The following TBC1D9 variants were observed in gnomAD, a reference collection of about 807,000 sequenced individuals.
TBC1D9 encodes TBC1 domain family member 9.
A neutral mutation model predicts 132.0 loss-of-function variants in TBC1D9; 63 were observed. The ratio of observed to expected loss-of-function variants is 0.48; its 90% CI spans 0.39 to 0.59. The LOEUF (loss-of-function observed/expected upper bound fraction) is 0.59. Ranked by LOEUF, TBC1D9 falls within the 20% of genes least tolerant of loss-of-function variation. The probability of loss-of-function intolerance (pLI) is 0.00; values close to 1 mark genes in which losing one functional copy is unlikely to be tolerated. For missense variants in TBC1D9, 1,261 were observed against 1,592.7 expected, an observed-to-expected ratio of 0.79 and a Z score of 3.54; for synonymous variants, 610 against 609.9, an observed-to-expected ratio of 1.00 and a Z score of 0.00.
chr4:140,709,248 TCACACACACA>T (rs36222926), intron 1 of TBC1D9, among the ~76,000 whole-genome samples: 35 of 104,190 alleles, frequency 3.4e-4, no homozygotes, highest in South Asian at 1.7e-3. Context: ...TCTCTCTCTC[TCACACACACA>T]CACACACACA....
intron 1 of TBC1D9, among the ~76,000 whole-genome samples, chr4:140,702,223 G>C (rs899951934): frequency 1.3e-5 from 2 of 152,184 alleles, no homozygotes; most frequent in African/African-American, 4.8e-5. Context: ...AGTTCTTTCA[G>C]TCAAGAACCC....
In TBC1D9 at chr4:140,641,541, G is replaced by A. The variant is rs1426805276; in HGVS notation, c.2338-2113C>T. Among the ~76,000 whole-genome samples the A allele has an allele frequency of 2.6e-5, 4 of 151,754 alleles. No homozygotes were observed. The East Asian group carries it at 7.8e-4, about 30-fold the overall frequency. On this transcript the variant is annotated intron_variant, in intron 13 of 20. Coordinates refer to ENST00000442267, the MANE Select transcript of TBC1D9 (RefSeq NM_015130.3). ...ATTCCATTTATAAAATGTTTCTCGGGAAGCCCCCACTGGGCCCGTGCCCAA... is the reference window on the plus strand; with the variant it reads ...ATTCCATTTATAAAATGTTTCTCGGAAAGCCCCCACTGGGCCCGTGCCCAA...
rs149110732 is a variant in TBC1D9, at chr4:140,704,356, A to G, written c.131-2742T>C. On this transcript the variant is annotated intron_variant, in intron 1 of 20. Coordinates refer to ENST00000442267, the MANE Select transcript of TBC1D9 (RefSeq NM_015130.3). The stretch of plus-strand genomic sequence containing the variant: ...GCGCAGGTTGCAGTGAGCTGAGATC[A>G]TGCCACTACACCCCAGCCTGGGCAA... Among the ~76,000 whole-genome samples, 1,018 of 151,238 alleles carry G rather than the reference A, an allele frequency of 6.7e-3. 16 individuals are homozygous for G. The highest frequency in any genetic ancestry group is 0.024 in the African/African-American group (972 of 41,106).
intron 6 of TBC1D9, among the ~76,000 whole-genome samples, chr4:140,673,717 C>T (rs1209240292): frequency 6.6e-6 from 1 of 152,182 alleles, no homozygotes; most frequent in Non-Finnish European, 1.5e-5. Flanking sequence ...CCTCTGCAGA[C>T]TGCCTCTCTT....
At chr4:140,667,189 G>C (rs568939140) in intron 9 of TBC1D9, among the ~76,000 whole-genome samples, 54 of 152,328 alleles carry the variant, frequency 3.5e-4, no homozygotes, top group Non-Finnish European at 6.3e-4. Context: ...CCCATTCCTG[G>C]ATGTGGAAAT....
chr4:140,711,002 T>C (rs1738234582), intron 1 of TBC1D9, among the ~76,000 whole-genome samples: 1 of 152,158 alleles, frequency 6.6e-6, no homozygotes, highest in Non-Finnish European at 1.5e-5. Context: ...GCTCATTCTT[T>C]CCCCACGAAC....
intron 3 of TBC1D9, among the ~76,000 whole-genome samples, chr4:140,681,689 A>G (rs980766569): frequency 2.0e-5 from 3 of 152,166 alleles, no homozygotes; most frequent in Non-Finnish European, 4.4e-5. Context: ...TTTACTTCAC[A>G]TGGCCACTTT....
intron 1 of TBC1D9, among the ~76,000 whole-genome samples, chr4:140,731,694 C>CACACAT (rs1553973957): frequency 1.3e-5 from 2 of 150,322 alleles, no homozygotes; most frequent in Admixed American, 6.6e-5. Flanking sequence ...CACACACACA[C>CACACAT]CCCAAACATT....
At chr4:140,631,292 G>C (rs1184182084) in intron 16 of TBC1D9, among the ~76,000 whole-genome samples, 1 of 148,316 alleles carries the variant, frequency 6.7e-6, no homozygotes, top group Non-Finnish European at 1.5e-5. Flanking sequence ...GCACGATCTC[G>C]GCTCACTGCA....
intron 13 of TBC1D9, among the ~76,000 whole-genome samples, chr4:140,645,750 T>C (rs1320724136): frequency 2.6e-5 from 4 of 152,196 alleles, no homozygotes; most frequent in African/African-American, 9.6e-5. Context: ...CTCTTCTTAC[T>C]CATTAGTTCT....
chr4:140,665,028 A>G (rs1737420432), intron 9 of TBC1D9, among the ~76,000 whole-genome samples: 1 of 150,600 alleles, frequency 6.6e-6, no homozygotes. Context: ...AATCGCTTGA[A>G]CCCAGGAGGT....
intron 8 of TBC1D9, 135 bp downstream of exon 8, chr4:140,669,495 ATATT>A: frequency 1.0e-6 from 1 of 965,994 alleles, no homozygotes; most frequent in South Asian, 1.7e-5. Flanking sequence ...AAGTTATAAC[ATATT>A]TAGACAAAAA....
chr4:140,679,016 A>T lies in TBC1D9; in HGVS notation c.777T>A (p.Asn259Lys). ...GGGATCGATCTTGTTCAAATCCCTCATTGTCTAAGAGTTGCCTCATGGCTA... is the reference window on the plus strand; with the variant it reads ...GGGATCGATCTTGTTCAAATCCCTCTTTGTCTAAGAGTTGCCTCATGGCTA... Reference protein sequence around the residue: ...ANIAMRQLLDNEGFEQDRSLP... With the variant: ...ANIAMRQLLDKEGFEQDRSLP... The change falls in exon 5 of 21, where the codon AAT becomes AAA. Residue 259 changes from asparagine to lysine, a missense_variant. Coordinates refer to ENST00000442267, the MANE Select transcript of TBC1D9 (RefSeq NM_015130.3). 6.2e-7 allele frequency: 1 copy of T among 1,613,906 alleles called. No individual in the cohort carries two copies. Among genetic ancestry groups the T allele is most frequent in the Middle Eastern group, 1.6e-4 (1 of 6,062 alleles).
rs902598008 is a variant in TBC1D9, at chr4:140,646,184, C to T, written c.2338-6756G>A. Among the ~76,000 whole-genome samples the T allele has an allele frequency of 2.0e-5, 3 of 152,224 alleles. No homozygotes were observed. In the South Asian group the frequency reaches 6.2e-4, roughly 32 times the overall value. On this transcript the variant is annotated intron_variant, in intron 13 of 20. Coordinates refer to ENST00000442267, the MANE Select transcript of TBC1D9 (RefSeq NM_015130.3). The stretch of plus-strand genomic sequence containing the variant: ...CCAGGAAGTAAGTGCTCTTCCTATC[C>T]CCATTTCAGAGACAAAGAAATCGTA...
At chr4:140,626,648 A>T (rs950165383) in intron 18 of TBC1D9, among the ~76,000 whole-genome samples, 1 of 152,258 alleles carries the variant, frequency 6.6e-6, no homozygotes, top group African/African-American at 2.4e-5. Flanking sequence ...ACAATGCTAG[A>T]TTAATGTAAG....
chr4:140,737,282 A>G (rs1031126002), intron 1 of TBC1D9, among the ~76,000 whole-genome samples: 1 of 152,062 alleles, frequency 6.6e-6, no homozygotes, highest in African/African-American at 2.4e-5. Flanking sequence ...TGAGCGGAAG[A>G]TCTGCAGGAA....
chr4:140,686,082 CT>C (rs1191018286), intron 3 of TBC1D9, among the ~76,000 whole-genome samples: 3 of 152,094 alleles, frequency 2.0e-5, no homozygotes, highest in Non-Finnish European at 4.4e-5. Flanking sequence ...GTAAAAAACA[CT>C]CACATGTACC....
chr4:140,678,639 C>T (rs1369577473), intron 5 of TBC1D9, among the ~76,000 whole-genome samples: 1 of 152,152 alleles, frequency 6.6e-6, no homozygotes, highest in Non-Finnish European at 1.5e-5. Context: ...AAGCAGCCTC[C>T]ACTGAGAGGC....
intron 1 of TBC1D9, among the ~76,000 whole-genome samples, chr4:140,739,204 T>A (rs1038678418): frequency 3.3e-5 from 5 of 152,072 alleles, no homozygotes; most frequent in African/African-American, 9.7e-5. Context: ...TTGGTCAGGC[T>A]GGTCTCAAAC....
Sources: gnomAD v4.1 joint callset for allele counts (sites outside exome capture counted in the v4.1 genomes callset) on GRCh38, gnomAD v4.1.1 for gene constraint, MANE v1.5 for transcripts, NCBI Gene and HGNC (gene_info 2026-07-23, HGNC 2026-07-21) for gene names.